ZNF568: variants seen among roughly 807,000 people sequenced by gnomAD.
ZNF568 encodes zinc finger protein 568, also known as p53 inhibitor of SCO2 activation.
A neutral mutation model predicts 18.1 loss-of-function variants in ZNF568; 11 were observed. The observed-to-expected ratio is 0.61, with a 90% confidence interval of 0.38 to 1.00. The LOEUF (loss-of-function observed/expected upper bound fraction) is 1.00, where lower values mean the gene tolerates loss of function less well. Among genes scored for constraint, ZNF568 ranks in the 50% least tolerant of loss-of-function variants. ZNF568 has a pLI of 0.01. For synonymous variants in ZNF568, 213 were observed against 246.6 expected, an observed-to-expected ratio of 0.86 and a Z score of 1.28; for missense variants, 639 against 768.2, an observed-to-expected ratio of 0.83 and a Z score of 1.99.
chr19:36,986,172 T>C (rs2547052), intron 2 of ZNF568, among the ~76,000 whole-genome samples: 81,098 of 151,970 alleles, frequency 0.53, 22,167 homozygotes, highest in African/African-American at 0.62. Flanking sequence ...GAGGAAAATG[T>C]TTCCCTTCTG....
chr19:36,920,217 A>AAAT (rs1232138189), intron 2 of ZNF568, among the ~76,000 whole-genome samples: 4 of 151,822 alleles, frequency 2.6e-5, no homozygotes, highest in African/African-American at 9.7e-5. Flanking sequence ...AAAGTTAAAA[A>AAAT]ATTTTTAAGA....
chr19:36,976,225 CATGT>C (rs1358966886), intron 7 of ZNF568: 2 of 151,948 alleles, frequency 1.3e-5, no homozygotes, highest in Non-Finnish European at 2.9e-5. Context: ...TATGTGTAGT[CATGT>C]GATTTTTTTT....
downstream of ZNF568, among the ~76,000 whole-genome samples, chr19:36,984,670 T>G (rs1452779030): frequency 6.6e-6 from 1 of 152,100 alleles, no homozygotes; most frequent in Non-Finnish European, 1.5e-5. Context: ...AGTAAATTTC[T>G]CTCTGATTTT....
chr19:36,961,554 T>A (rs550384594), intron 6 of ZNF568, among the ~76,000 whole-genome samples: 59 of 152,226 alleles, frequency 3.9e-4, no homozygotes, highest in African/African-American at 1.4e-3. Context: ...TGAGATGGAG[T>A]CTCACTCTGT....
intron 6 of ZNF568, among the ~76,000 whole-genome samples, chr19:36,972,919 G>T (rs1600843133): frequency 6.6e-6 from 1 of 152,244 alleles, no homozygotes; most frequent in East Asian, 1.9e-4. Flanking sequence ...CGGGTTTGCG[G>T]CTACATTTTT....
chr19:36,941,430 A>T (rs1035543561), intron 6 of ZNF568, among the ~76,000 whole-genome samples: 3 of 152,238 alleles, frequency 2.0e-5, no homozygotes, highest in Non-Finnish European at 4.4e-5. Flanking sequence ...GATCAGCTTT[A>T]TACTTTTTAT....
intron 7 of ZNF568, chr19:36,974,575 A>G (rs2074265035): frequency 4.3e-6 from 5 of 1,166,942 alleles, no homozygotes; most frequent in African/African-American, 3.1e-5. Context: ...GACAAAGGGG[A>G]AGAGGGGAGG....
At chr19:36,980,751 A>G (rs907086467), downstream of ZNF568, among the ~76,000 whole-genome samples, 6 of 152,176 alleles carry the variant, frequency 3.9e-5, no homozygotes, top group African/African-American at 1.4e-4. Flanking sequence ...TTCAGTGCCC[A>G]GTTTTTACTG....
intron 6 of ZNF568, among the ~76,000 whole-genome samples, chr19:36,948,658 A>ATTTTTTTTTTGTTTTTTTTTTTTT (rs2074004880): frequency 1.2e-5 from 1 of 83,576 alleles, no homozygotes; most frequent in African/African-American, 4.8e-5. Flanking sequence ...TTTGTTGTTG[A>ATTTTTTTTTTGTTTTTTTTTTTTT]TTTTTTTTTT....
chr19:36,924,448 A>G (rs1284746270), intron 3 of ZNF568, among the ~76,000 whole-genome samples: 1 of 150,640 alleles, frequency 6.6e-6, no homozygotes, highest in Non-Finnish European at 1.5e-5. Context: ...CGAACTCCTG[A>G]CCTCGTGATC....
intron 7 of ZNF568, among the ~76,000 whole-genome samples, chr19:36,977,085 A>G (rs2074292150): frequency 6.6e-6 from 1 of 152,152 alleles, no homozygotes; most frequent in Non-Finnish European, 1.5e-5. Flanking sequence ...CAGTTAATCT[A>G]TTTTGTGTGC....
intron 4 of ZNF568, among the ~76,000 whole-genome samples, chr19:36,932,106 C>T (rs2073696859): frequency 6.6e-6 from 1 of 152,188 alleles, no homozygotes; most frequent in Non-Finnish European, 1.5e-5. Context: ...GGATATACCA[C>T]ATTTTCTTTA....
At chr19:36,960,110 CTTTT>C (rs34588591) in intron 6 of ZNF568, among the ~76,000 whole-genome samples, 6 of 87,680 alleles carry the variant, frequency 6.8e-5, no homozygotes, top group Admixed American at 1.4e-4. Context: ...AATTGTTCTA[CTTTT>C]TTTTTTTTTT....
chr19:36,922,192 C>G (rs562142579), intron 2 of ZNF568, among the ~76,000 whole-genome samples: 1 of 152,224 alleles, frequency 6.6e-6, no homozygotes, highest in Admixed American at 6.5e-5. Flanking sequence ...AGTTGTCAGC[C>G]GGGCTGCAGT....
In ZNF568 at chr19:36,950,450, C is replaced by G; in HGVS notation, c.1297C>G (p.Leu433Val). 1 of 1,613,218 alleles carries G rather than the reference C, an allele frequency of 6.2e-7. No homozygotes were observed. The highest frequency in any genetic ancestry group is 8.5e-7 in the Non-Finnish European group (1 of 1,179,388). The change falls in exon 7 of 7, where the codon CTA (leucine) becomes GTA (valine). Residue 433 changes from leucine to valine, a missense_variant. By Grantham distance (32) the Leu-to-Val change is conservative. Coordinates refer to ENST00000333987, the MANE Select transcript of ZNF568 (RefSeq NM_198539.4). ...GAAAGCCTTCTCTCAGAGTTCATCC[C>G]TAACCGTACATATGCGAAATCATAC... ...CGKAFSQSSS[L>V]TVHMRNHTAE...
At chr19:36,986,153 A>G (rs2074374656) in intron 2 of ZNF568, among the ~76,000 whole-genome samples, 1 of 152,270 alleles carries the variant, frequency 6.6e-6, no homozygotes, top group East Asian at 1.9e-4. Context: ...TTGTAGTTAC[A>G]GTTCCTCAGA....
In ZNF568 at chr19:36,950,114, C is replaced by G. The variant is rs576242825; in HGVS notation, c.961C>G (p.Leu321Val). The change falls in exon 7 of 7, where the codon CTC becomes GTC. Residue 321 changes from leucine to valine, a missense_variant. By Grantham distance (32) the Leu-to-Val change is conservative (BLOSUM62 1). Coordinates refer to ENST00000333987, the MANE Select transcript of ZNF568 (RefSeq NM_198539.4). ...GAAAGCCTTCAGTCAGAAATCAAATCTCATTGAACATGAGCGAATTCACAC... is the reference window on the plus strand; with the variant it reads ...GAAAGCCTTCAGTCAGAAATCAAATGTCATTGAACATGAGCGAATTCACAC... ...CWKAFSQKSN[L>V]IEHERIHTGE... 17 of 1,613,836 alleles carry G rather than the reference C, an allele frequency of 1.1e-5. No individual in the cohort carries two copies. Among genetic ancestry groups the G allele is most frequent in the Non-Finnish European group, 1.3e-5 (15 of 1,179,932 alleles).
chr19:36,927,860 G>GTATATATATATATATATATATATAT (rs2073587246), intron 4 of ZNF568, among the ~76,000 whole-genome samples: 2 of 32,128 alleles, frequency 6.2e-5, no homozygotes, highest in Non-Finnish European at 4.9e-5. Flanking sequence ...GTGTGTGTGT[G>GTATATATATATATATATATATATAT]TATATATATA....
chr19:36,938,776 A>G (rs961801710), intron 6 of ZNF568, among the ~76,000 whole-genome samples: 1 of 152,160 alleles, frequency 6.6e-6, no homozygotes, highest in African/African-American at 2.4e-5. Context: ...ATTTCCCCTC[A>G]TAGGTGACTT....
Sources: allele counts gnomAD v4.1 joint callset (sites outside exome capture counted in the v4.1 genomes callset), GRCh38; gene constraint gnomAD v4.1.1; transcripts MANE v1.5; gene names NCBI Gene and HGNC (gene_info 2026-07-23, HGNC 2026-07-21).